The following WWOX variants were observed in gnomAD, a reference collection of about 807,000 sequenced individuals.
The protein encoded by WWOX is WW domain containing oxidoreductase.
WWOX carries 69 observed loss-of-function variants against 46.2 expected under a neutral mutation model. The ratio of observed to expected loss-of-function variants is 1.49; its 90% CI spans 1.23 to 1.82. The LOEUF (loss-of-function observed/expected upper bound fraction) is 1.82, where lower values mean the gene tolerates loss of function less well. Among genes scored for constraint, WWOX ranks in the 40% most tolerant of loss-of-function variants. The pLI is 0.00. For synonymous variants in WWOX, 359 were observed against 202.6 expected, an observed-to-expected ratio of 1.77 and a Z score of -6.56; for missense variants, 919 against 542.6, an observed-to-expected ratio of 1.69 and a Z score of -6.89.
At chr16:78,138,321 C>G (rs762978389) in intron 4 of WWOX, among the ~76,000 whole-genome samples, 1 of 150,708 alleles carries the variant, frequency 6.6e-6, no homozygotes, top group Non-Finnish European at 1.5e-5. Context: ...TGCTTGCCAA[C>G]GGATATTTAA....
intron 8 of WWOX, among the ~76,000 whole-genome samples, chr16:78,838,643 A>T (rs1298481280): frequency 6.6e-6 from 1 of 152,168 alleles, no homozygotes; most frequent in Non-Finnish European, 1.5e-5. Context: ...GGAGTTCCAG[A>T]CCAGCCTGAC....
Position 78,968,064 on chromosome 16 carries a change from T to C in WWOX, c.1057-243544T>C, listed in dbSNP as rs577719638. Among the ~76,000 whole-genome samples the C allele has an allele frequency of 2.4e-3, 356 of 150,690 alleles. 2 individuals carry two copies. The highest frequency in any genetic ancestry group is 3.3e-3 in the Non-Finnish European group (225 of 67,684). ...AGTGCATGGTCTGCATGGCACAGTG[T>C]GTGGTCTGTATGGCACAGTGCATGG... On this transcript the variant is annotated intron_variant, in intron 8 of 8. Coordinates refer to ENST00000566780, the MANE Select transcript of WWOX (RefSeq NM_016373.4).
intron 8 of WWOX, among the ~76,000 whole-genome samples, chr16:78,507,466 T>C (rs2085239153): frequency 1.3e-5 from 2 of 152,228 alleles, no homozygotes; most frequent in South Asian, 4.1e-4. Context: ...GGTAACACTT[T>C]AGAATACTTC....
At position 78,164,216 on chromosome 16, in the gene WWOX, G is replaced by A. The variant is rs372660669; in HGVS notation, c.443G>A (p.Gly148Asp). The change falls in exon 5 of 9, where the codon GGT (glycine) becomes GAT (aspartate). Residue 148 changes from glycine (G) to aspartate (D), a missense_variant. Gly to Asp is a moderately conservative substitution (Grantham distance 94). Transcript: ENST00000566780. ...FETAKSFALH[G>D]AHVILACRNM... ...ACCGCCAAGTCTTTTGCCCTCCATG[G>A]TGCACATGTGATCTTGGCCTGCAGG... 6.2e-7 allele frequency: 1 copy of A among 1,614,104 alleles called. No homozygotes were observed. The highest frequency in any genetic ancestry group is 8.5e-7 in the Non-Finnish European group (1 of 1,180,006).
intron 8 of WWOX, among the ~76,000 whole-genome samples, chr16:78,640,059 T>G (rs2046665914): frequency 6.6e-6 from 1 of 152,118 alleles, no homozygotes. Flanking sequence ...ACCAGGCAGA[T>G]TCATTTTCTT....
At position 78,545,361 on chromosome 16, in the gene WWOX, C is replaced by T. The variant is rs112953136; in HGVS notation, c.1056+112609C>T. 2.7e-4 allele frequency among the ~76,000 whole-genome samples: 41 copies of T among 151,862 alleles called. 1 individual carries two copies. The highest frequency in any genetic ancestry group is 9.6e-4 in the African/African-American group (40 of 41,490). Reference sequence around the variant, plus strand: ...CCTCGTGGGATATATTGAGATGGTTCCTTTTAATCCATTTCTTTTAAAAAA... The same window carrying T: ...CCTCGTGGGATATATTGAGATGGTTTCTTTTAATCCATTTCTTTTAAAAAA... On this transcript the variant is annotated intron_variant, in intron 8 of 8. Transcript: ENST00000566780.
rs867013255 is a variant in WWOX, at chr16:78,490,540, T to G, written c.1056+57788T>G. Among the ~76,000 whole-genome samples the G allele has an allele frequency of 1.2e-4, 18 of 152,300 alleles. No homozygotes were observed. In the Middle Eastern group the frequency reaches 0.014, roughly 115 times the overall value. On this transcript the variant is annotated intron_variant, in intron 8 of 8. Coordinates refer to ENST00000566780, the MANE Select transcript of WWOX (RefSeq NM_016373.4). ...CGTTGTTTTCAATGCTGGGCTAGTT[T>G]CAGACTTCTGGCTTGTTGTGGGACG...
intron 8 of WWOX, among the ~76,000 whole-genome samples, chr16:79,158,062 G>A (rs915037510): frequency 2.6e-5 from 4 of 152,146 alleles, no homozygotes; most frequent in African/African-American, 4.8e-5. Context: ...GGAATTTATT[G>A]ACCCTGGGAG....
chr16:78,984,817 G>A (rs193287229), intron 8 of WWOX, among the ~76,000 whole-genome samples: 5 of 152,274 alleles, frequency 3.3e-5, no homozygotes, highest in African/African-American at 4.8e-5. Context: ...GGTAAGGAAC[G>A]TGTGCAGGGG....
intron 5 of WWOX, 110 bp from the exon 6 acceptor site, chr16:78,386,750 A>G (rs1162707602): frequency 3.1e-6 from 3 of 953,902 alleles, no homozygotes; most frequent in Admixed American, 1.9e-5. Flanking sequence ...TGGGCGTCTT[A>G]TATTAAACAG....
intron 8 of WWOX, among the ~76,000 whole-genome samples, chr16:78,671,804 A>C (rs529667529): frequency 2.0e-5 from 3 of 152,236 alleles, no homozygotes; most frequent in African/African-American, 7.2e-5. Flanking sequence ...TGCCTTGCTA[A>C]TAAAAAGGGA....
At chr16:78,414,295 A>C (rs1050857555) in intron 6 of WWOX, among the ~76,000 whole-genome samples, 23 of 152,196 alleles carry the variant, frequency 1.5e-4, no homozygotes, top group Admixed American at 2.6e-4. Context: ...TGCTCACACA[A>C]AGCCTGTTTG....
chr16:79,080,461 ATTC>A (rs1390995963), intron 8 of WWOX, among the ~76,000 whole-genome samples: 1 of 152,146 alleles, frequency 6.6e-6, no homozygotes, highest in Non-Finnish European at 1.5e-5. Flanking sequence ...ATAGAATTCA[ATTC>A]TTCTCTTGCC....
chr16:78,437,211 A>G (rs965717469), intron 8 of WWOX, among the ~76,000 whole-genome samples: 1 of 152,202 alleles, frequency 6.6e-6, no homozygotes, highest in South Asian at 2.1e-4. Context: ...CAGTATTCTA[A>G]TATCAACGTC....
chr16:78,327,405 C>T (rs1020474537), intron 5 of WWOX, among the ~76,000 whole-genome samples: 5 of 152,164 alleles, frequency 3.3e-5, no homozygotes, highest in Non-Finnish European at 5.9e-5. Context: ...GGCATCTTCA[C>T]TGGACTCTCC....
intron 8 of WWOX, among the ~76,000 whole-genome samples, chr16:79,014,246 G>C (rs1204198519): frequency 6.6e-6 from 1 of 152,144 alleles, no homozygotes. Context: ...GGTTAGGGTG[G>C]TTATGACGCA....
At chr16:78,207,092 C>T (rs145743457) in intron 5 of WWOX, among the ~76,000 whole-genome samples, 1 of 152,220 alleles carries the variant, frequency 6.6e-6, no homozygotes, top group African/African-American at 2.4e-5. Context: ...GGGATTAATT[C>T]TACATTGTCT....
rs189539697 is a variant in WWOX, at chr16:78,687,086, A to G, written c.1056+254334A>G. Among the ~76,000 whole-genome samples, 206 of 127,168 alleles carry G rather than the reference A, an allele frequency of 1.6e-3. 2 individuals carry two copies. Among genetic ancestry groups the G allele is most frequent in the African/African-American group, 5.1e-3 (193 of 37,752 alleles). 83.4% of individuals were successfully genotyped at this position (127,168 alleles called of 152,430 possible). A position where few individuals can be genotyped will look rare whatever the true frequency, so the allele number is the denominator to read the frequency against. ...TTTCATCTTTATTTTATCATTTAAA[A>G]CACATTTTTTTTTCCAATGAGAGTA... On this transcript the variant is annotated intron_variant, in intron 8 of 8. Coordinates refer to ENST00000566780, the MANE Select transcript of WWOX (RefSeq NM_016373.4).
At chr16:78,510,242 C>T (rs1202846401) in intron 8 of WWOX, among the ~76,000 whole-genome samples, 2 of 152,128 alleles carry the variant, frequency 1.3e-5, no homozygotes, top group African/African-American at 2.4e-5. Flanking sequence ...TGGAGTCTTG[C>T]TCTGTTGACC....
Sources: allele counts gnomAD v4.1 joint callset (sites outside exome capture counted in the v4.1 genomes callset), GRCh38; gene constraint gnomAD v4.1.1; transcripts MANE v1.5; gene names NCBI Gene and HGNC (gene_info 2026-07-23, HGNC 2026-07-21).